C1orf159: variants seen among roughly 807,000 people sequenced by gnomAD.
C1orf159 encodes the protein uncharacterized protein C1orf159.
C1orf159 carries 19 observed loss-of-function variants against 25.6 expected under a neutral mutation model. The observed-to-expected ratio is 0.74, with a 90% CI of 0.52 to 1.09. C1orf159 has a LOEUF of 1.09. C1orf159 is among the 50% of genes least tolerant of loss of function. The pLI is 0.00. For synonymous variants in C1orf159, 139 were observed against 124.7 expected (o/e 1.12, Z -0.77); for missense variants, 274 against 290.6 (o/e 0.94, Z 0.42).
rs75048257 is a variant in C1orf159, at chr1:1,109,800, T to G, written c.-136+6260A>C. Among the ~76,000 whole-genome samples, 1,054 of 152,244 alleles carry G rather than the reference T, an allele frequency of 6.9e-3. 10 individuals are homozygous for G. Among genetic ancestry groups the G allele is most frequent in the African/African-American group, 0.022 (922 of 41,510 alleles). The stretch of plus-strand genomic sequence containing the variant: ...TGAGAGGTGAGATTTCACATTTACA[T>G]GTAAGACAATTAGGCCCTATATGGC... On this transcript the variant is annotated intron_variant, in intron 1 of 9. Transcript: ENST00000421241.
chr1:1,087,420 G>A lies in C1orf159; in HGVS notation c.244+82C>T. 7.4e-7 allele frequency: 1 copy of A among 1,353,922 alleles called. No individual in the cohort carries two copies. The highest frequency in any genetic ancestry group is 1.0e-6 in the Non-Finnish European group (1 of 988,016). The allele number at this position is 1,353,922 out of a possible 1,614,324, so 83.9% of individuals were successfully genotyped here. ...GTGGACAGTGGCTCTGGGGCAAGGT[G>A]GGGACACAGACAGCAACTCCCACAG... is the stretch of plus-strand genomic sequence containing the variant. On this transcript the variant is annotated intron_variant, in intron 5 of 9. Transcript: ENST00000421241. The surrounding 1 kb of genome is among the most constrained non-coding windows in gnomAD (Gnocchi z 8.3).
Position 1,110,798 on chromosome 1 carries a change from A to G in C1orf159, c.-136+5262T>C, listed in dbSNP as rs1337185776. Among the ~76,000 whole-genome samples the G allele has an allele frequency of 6.6e-6, 1 of 151,668 alleles. No individual in the cohort carries two copies. Among genetic ancestry groups the G allele is most frequent in the Admixed American group, 6.6e-5 (1 of 15,224 alleles). On this transcript the variant is annotated intron_variant, in intron 1 of 9. Transcript: ENST00000421241. The surrounding 1 kb of genome is among the most constrained non-coding windows in gnomAD (Gnocchi z 4.8). ...GCACGCAACAGCGCATCCCACACCC[A>G]CTCCTTGTGCAGCACCTCAGAGGAA...
chr1:1,087,231 C>A lies in C1orf159; in HGVS notation c.245-27G>T. ...TGTGGGATAGCAGAACTGTGGGAAG[C>A]CTGTGTGCACGGAGCCCACGGGGAC... On this transcript the variant is annotated intron_variant, in intron 5 of 9. Coordinates refer to ENST00000421241, the MANE Select transcript of C1orf159 (RefSeq NM_017891.5). This position sits in a 1 kb window ranked among gnomAD's most constrained non-coding sequence, Gnocchi z 8.3. 1 of 1,589,110 alleles carries A rather than the reference C, an allele frequency of 6.3e-7. No homozygotes were observed. Among genetic ancestry groups the A allele is most frequent in the Non-Finnish European group, 8.6e-7 (1 of 1,168,108 alleles).
At chr1:1,095,792 C>T (rs968815161) in intron 1 of C1orf159, among the ~76,000 whole-genome samples, 1 of 152,164 alleles carries the variant, frequency 6.6e-6, no homozygotes, top group Non-Finnish European at 1.5e-5. Flanking sequence ...AGTACAACGT[C>T]TAGTGTAGGT....
intron 2 of C1orf159, 200 bp from the exon 3 acceptor site, chr1:1,091,765 G>C (rs1475883621): frequency 2.9e-6 from 1 of 344,596 alleles, no homozygotes; most frequent in Non-Finnish European, 5.8e-6. Flanking sequence ...TGGAGGGTGG[G>C]GCCAAATGGA....
At chr1:1,095,335 C>T (rs1480231963) in intron 1 of C1orf159, among the ~76,000 whole-genome samples, 15 of 152,200 alleles carry the variant, frequency 9.9e-5, no homozygotes, top group Admixed American at 8.5e-4. Flanking sequence ...TTCATCCCTC[C>T]GCATCTTCTT....
intron 1 of C1orf159, among the ~76,000 whole-genome samples, chr1:1,097,951 C>T (rs1212563864): frequency 2.6e-5 from 4 of 152,148 alleles, no homozygotes; most frequent in African/African-American, 9.7e-5. Context: ...CCTTTACACG[C>T]ACTTAGTTAC....
At chr1:1,093,449 C>T (rs776404969) in intron 1 of C1orf159, among the ~76,000 whole-genome samples, 9 of 152,378 alleles carry the variant, frequency 5.9e-5, no homozygotes, top group South Asian at 2.1e-4. Context: ...CCCCTTGAAG[C>T]TGCCACCACA....
At chr1:1,109,019 A>G (rs564177907) in intron 1 of C1orf159, among the ~76,000 whole-genome samples, 1 of 107,980 alleles carries the variant, frequency 9.3e-6, no homozygotes, top group Non-Finnish European at 1.8e-5. Flanking sequence ...CGTCCACCAC[A>G]GCCACCATGT....
intron 1 of C1orf159, among the ~76,000 whole-genome samples, chr1:1,104,734 G>A (rs909013303): frequency 5.3e-5 from 8 of 151,948 alleles, no homozygotes; most frequent in Non-Finnish European, 7.4e-5. Context: ...GTTCGAAGCC[G>A]AAGTGCAGAC....
At chr1:1,095,681 G>T (rs994476035) in intron 1 of C1orf159, among the ~76,000 whole-genome samples, 2 of 152,124 alleles carry the variant, frequency 1.3e-5, no homozygotes, top group African/African-American at 4.8e-5. Flanking sequence ...CCTTATTGCA[G>T]TGGCTGGGAC....
At position 1,082,602 on chromosome 1, in the gene C1orf159, A is replaced by C; in HGVS notation, c.*291T>G. 1 of 449,986 alleles carries C rather than the reference A, an allele frequency of 2.2e-6. No individual in the cohort carries two copies. The highest frequency in any genetic ancestry group is 2.2e-5 in the South Asian group (1 of 45,088). The allele number at this position is 449,986 out of a possible 1,614,324, so 27.9% of individuals were successfully genotyped here. ...CTTTGGCTGCAGGCGCTGGGGCCTC[A>C]CCGTGTTTCCTGGGGGGGCCCGGAC... is the stretch of plus-strand genomic sequence containing the variant. On this transcript the variant is annotated 3_prime_UTR_variant, in exon 10 of 10. Coordinates refer to ENST00000421241, the MANE Select transcript of C1orf159 (RefSeq NM_017891.5).
At chr1:1,085,471 C>CA (rs1007008578) in intron 7 of C1orf159, among the ~76,000 whole-genome samples, 1 of 152,178 alleles carries the variant, frequency 6.6e-6, no homozygotes, top group African/African-American at 2.4e-5. Flanking sequence ...GGCCCTGCAC[C>CA]AGCCTGGCCA....
At position 1,090,685 on chromosome 1, in the gene C1orf159, A is replaced by AC. The variant is rs538977015; in HGVS notation, c.73-258dup. 565 of 699,236 alleles carry AC rather than the reference A, an allele frequency of 8.1e-4. 1 individual carries two copies. The African/African-American group carries it at 8.8e-3, about 11-fold the overall frequency. The allele number at this position is 699,236 out of a possible 1,614,324, so 43.3% of individuals were successfully genotyped here. A position where few individuals can be genotyped will look rare whatever the true frequency, so the allele number is the denominator to read the frequency against. Reference sequence around the variant, plus strand: ...AAAGCTGGGCCTGGAAGAGTAAACCACCCCCAGGAGGCGGCACCCGCAGGC... The same window carrying AC: ...AAAGCTGGGCCTGGAAGAGTAAACCACCCCCCAGGAGGCGGCACCCGCAGGC... On this transcript the variant is annotated intron_variant, in intron 3 of 9. Transcript: ENST00000421241.
chr1:1,107,768 TTGTTC>T (rs1557435427), intron 1 of C1orf159, among the ~76,000 whole-genome samples: 30 of 152,170 alleles, frequency 2.0e-4, no homozygotes, highest in Non-Finnish European at 3.2e-4. Flanking sequence ...TATGGAAGCT[TTGTTC>T]TTTCGCTCTT....
In C1orf159 at chr1:1,087,585, C is replaced by T. The variant is rs1401119302; in HGVS notation, c.161G>A (p.Arg54His). The change falls in exon 5 of 10, where the codon CGC (arginine) becomes CAC (histidine). Residue 54 changes from arginine to histidine, a missense_variant. Arg to His is a conservative substitution (Grantham distance 29). Transcript: ENST00000421241. The surrounding 1 kb of genome is among the most constrained non-coding windows in gnomAD (Gnocchi z 8.3). ...GCTGGCGCTCCCGTCCGCGTTCCAG[C>T]GCCTGTAACAGCCTGCGTGGGGCAG... ...ASLCGPGCYRRWNADGSASCV... is the reference protein window; with the variant it reads ...ASLCGPGCYRHWNADGSASCV... 1.6e-5 allele frequency: 25 copies of T among 1,547,156 alleles called. No individual in the cohort carries two copies. The highest frequency in any genetic ancestry group is 4.9e-5 in the East Asian group (2 of 40,922).
intron 1 of C1orf159, among the ~76,000 whole-genome samples, chr1:1,102,900 G>A (rs1410126599): frequency 6.6e-6 from 1 of 151,780 alleles, no homozygotes; most frequent in Non-Finnish European, 1.5e-5. Context: ...CATGATCTGG[G>A]CTCACTGCAG....
intron 1 of C1orf159, among the ~76,000 whole-genome samples, chr1:1,099,663 G>C (rs1021739911): frequency 5.4e-5 from 7 of 129,832 alleles, no homozygotes; most frequent in African/African-American, 1.3e-4. Flanking sequence ...CTATGATTGT[G>C]GATTGTCTGC....
At chr1:1,102,585 T>C (rs555832852) in intron 1 of C1orf159, among the ~76,000 whole-genome samples, 1 of 114,944 alleles carries the variant, frequency 8.7e-6, no homozygotes, top group Non-Finnish European at 1.6e-5. Flanking sequence ...AAGACAAGCC[T>C]GGCCAACATA....
Sources: gnomAD v4.1 joint callset for allele counts (sites outside exome capture counted in the v4.1 genomes callset) on GRCh38, gnomAD v4.1.1 for gene constraint, Gnocchi (gnomAD v3.1) non-coding constraint, MANE v1.5 for transcripts, NCBI Gene and HGNC (gene_info 2026-07-23, HGNC 2026-07-21) for gene names.